The following PSMF1 variants were observed in gnomAD, a reference collection of about 807,000 sequenced individuals.
PSMF1 encodes the protein proteasome inhibitor PI31 subunit.
PSMF1 carries 30 observed loss-of-function variants against 29.3 expected under a neutral mutation model. The observed-to-expected ratio is 1.02, with a 90% CI of 0.77 to 1.39. The LOEUF (loss-of-function observed/expected upper bound fraction) is 1.39, where lower values mean the gene tolerates loss of function less well. Ranked by LOEUF, PSMF1 falls within the 40% of genes most tolerant of loss-of-function variation. The probability of loss-of-function intolerance (pLI) is 0.00; values close to 1 mark genes in which losing one functional copy is unlikely to be tolerated. For synonymous variants in PSMF1, 134 were observed against 139.7 expected, an observed-to-expected ratio of 0.96 and a Z score of 0.29; for missense variants, 344 against 357.5, an observed-to-expected ratio of 0.96 and a Z score of 0.31.
At chr20:1,141,167 G>A (rs769740126) in intron 4 of PSMF1, among the ~76,000 whole-genome samples, 1 of 152,326 alleles carries the variant, frequency 6.6e-6, no homozygotes, top group Non-Finnish European at 1.5e-5. Context: ...CAGGGTGGAG[G>A]TGGAAGATGG....
rs574195998 is a variant in PSMF1 at position 1,172,213 on chromosome 20, C to T, written c.*7133C>T. Among the ~76,000 whole-genome samples the T allele has an allele frequency of 1.8e-4, 28 of 152,320 alleles. No homozygotes were observed. Among genetic ancestry groups the T allele is most frequent in the African/African-American group, 6.5e-4 (27 of 41,556 alleles). The stretch of plus-strand genomic sequence containing the variant: ...CCACAAATGTGCTCTGACTGGCGTG[C>T]ATGTTATTAAATTTGATAAGATGCA... On this transcript the variant is annotated 3_prime_UTR_variant, in exon 7 of 7. Coordinates refer to ENST00000335877, the MANE Select transcript of PSMF1 (RefSeq NM_006814.5).
At chr20:1,135,066 C>G (rs745557954) in intron 3 of PSMF1, 55 bp from the exon 4 acceptor site, 2 of 1,588,562 alleles carry the variant, frequency 1.3e-6, no homozygotes, top group Non-Finnish European at 1.7e-6. Context: ...CAGAATACCA[C>G]TTCCAGGGTT....
intron 4 of PSMF1, among the ~76,000 whole-genome samples, chr20:1,150,279 A>T (rs77715652): frequency 6.6e-6 from 1 of 152,160 alleles, no homozygotes; most frequent in Non-Finnish European, 1.5e-5. Flanking sequence ...TTGACAATCT[A>T]TACCTCTTCA....
upstream of PSMF1, among the ~76,000 whole-genome samples, chr20:1,115,498 T>C (rs915056901): frequency 1.1e-4 from 17 of 152,368 alleles, no homozygotes; most frequent in African/African-American, 3.6e-4. Context: ...ATCAACTTCA[T>C]TGATAAAATT....
intron 4 of PSMF1, among the ~76,000 whole-genome samples, chr20:1,141,209 G>T (rs985264101): frequency 4.6e-5 from 7 of 152,272 alleles, no homozygotes; most frequent in African/African-American, 1.7e-4. Flanking sequence ...CTGCTAATGG[G>T]TACCAGGTTT....
At chr20:1,125,404 G>T in intron 1 of PSMF1, 94 bp from the exon 2 acceptor site, 1 of 1,308,874 alleles carries the variant, frequency 7.6e-7, no homozygotes. Context: ...CATCTGTGAA[G>T]TGAGGTGGGT....
At position 1,135,307 on chromosome 20, in the gene PSMF1, G is replaced by A. The variant is rs771427542; in HGVS notation, c.551+1G>A. 1.2e-6 allele frequency: 2 copies of A among 1,609,736 alleles called. No homozygotes were observed. Among genetic ancestry groups the A allele is most frequent in the East Asian group, 4.5e-5 (2 of 44,872 alleles). On this transcript the variant is annotated splice_donor_variant, in intron 4 of 6. Coordinates refer to ENST00000335877, the MANE Select transcript of PSMF1 (RefSeq NM_006814.5). LOFTEE classifies it high-confidence loss of function. ...CACACACCAGTCGGCAGCCTCCCTG[G>A]TGAGTACAGAGTGCCTAGCGGGAAG...
chr20:1,146,331 G>A (rs971229656), intron 4 of PSMF1, among the ~76,000 whole-genome samples: 6 of 151,810 alleles, frequency 4.0e-5, no homozygotes, highest in African/African-American at 1.5e-4. Flanking sequence ...CCAGGCTGAG[G>A]AAACAGTAGG....
chr20:1,117,406 T>G (rs998027715), upstream of PSMF1, among the ~76,000 whole-genome samples: 1 of 151,934 alleles, frequency 6.6e-6, no homozygotes, highest in Non-Finnish European at 1.5e-5. Context: ...GGTGCGATCT[T>G]GGCTCACTGC....
intron 4 of PSMF1, among the ~76,000 whole-genome samples, chr20:1,142,496 C>T (rs2086396213): frequency 6.6e-6 from 1 of 152,076 alleles, no homozygotes; most frequent in Non-Finnish European, 1.5e-5. Context: ...GTTCAATTCC[C>T]ACCTATGAGT....
intron 4 of PSMF1, among the ~76,000 whole-genome samples, chr20:1,162,878 CAATATTAATATTTTAA>C: frequency 6.6e-6 from 1 of 151,964 alleles, no homozygotes; most frequent in Non-Finnish European, 1.5e-5. Flanking sequence ...TGGAGGTTAC[CAATATTAATATTTTAA>C]AATATTAATA....
At chr20:1,127,689 A>G (rs990610048) in intron 3 of PSMF1, among the ~76,000 whole-genome samples, 181 bp downstream of exon 3, 1 of 152,192 alleles carries the variant, frequency 6.6e-6, no homozygotes, top group Non-Finnish European at 1.5e-5. Context: ...AGACTTCCAT[A>G]GGAAATGCCA....
intron 2 of PSMF1, among the ~76,000 whole-genome samples, chr20:1,126,323 CATGTAG>C (rs1400850060): frequency 6.6e-6 from 1 of 152,100 alleles, no homozygotes; most frequent in African/African-American, 2.4e-5. Context: ...TGGGTGTGAC[CATGTAG>C]AAGTATCCTG....
chr20:1,126,377 C>T (rs1267482869), intron 2 of PSMF1, among the ~76,000 whole-genome samples: 1 of 152,032 alleles, frequency 6.6e-6, no homozygotes, highest in East Asian at 1.9e-4. Context: ...TTTTTTCACT[C>T]GGTGTTTTGG....
chr20:1,124,820 G>T (rs1176892262), intron 1 of PSMF1, among the ~76,000 whole-genome samples: 1 of 152,196 alleles, frequency 6.6e-6, no homozygotes, highest in African/African-American at 2.4e-5. Context: ...AACATTTGAA[G>T]CTATATTTTT....
chr20:1,148,600 A>G (rs186229556), intron 4 of PSMF1, among the ~76,000 whole-genome samples: 57 of 152,310 alleles, frequency 3.7e-4, no homozygotes, highest in Non-Finnish European at 6.8e-4. Flanking sequence ...TTTTCTTTTT[A>G]AATTTCATAA....
intron 4 of PSMF1, among the ~76,000 whole-genome samples, chr20:1,136,122 G>A (rs1000673171): frequency 2.0e-5 from 3 of 152,322 alleles, no homozygotes; most frequent in East Asian, 3.9e-4. Context: ...AATGATTGGC[G>A]TATCTCTTTG....
At position 1,169,107 on chromosome 20, in the gene PSMF1, T is replaced by G. The variant is rs541224188; in HGVS notation, c.*4027T>G. Among the ~76,000 whole-genome samples the G allele has an allele frequency of 4.6e-5, 7 of 152,286 alleles. No homozygotes were observed. In the South Asian group the frequency reaches 6.2e-4, roughly 14 times the overall value. ...GCTGCTCTCTGGACCGTAACCTTTT[T>G]GGTTACAAAAGGTAAATTTCTGTTT... On this transcript the variant is annotated 3_prime_UTR_variant, in exon 7 of 7. Coordinates refer to ENST00000335877, the MANE Select transcript of PSMF1 (RefSeq NM_006814.5).
Position 1,151,912 on chromosome 20 carries a change from T to C in PSMF1, c.552-11218T>C, listed in dbSNP as rs1274429030. On this transcript the variant is annotated intron_variant, in intron 4 of 6. Transcript: ENST00000335877. ...AAATCATCTTGTAGAAGTGGGGGAG[T>C]TTTTGTTTCACTCATGTCAGCATGT... Among the ~76,000 whole-genome samples, 3 of 151,528 alleles carry C rather than the reference T, an allele frequency of 2.0e-5. No homozygotes were observed. In the East Asian group the frequency reaches 5.8e-4, roughly 29 times the overall value.
Sources: gnomAD v4.1 joint callset for allele counts (sites outside exome capture counted in the v4.1 genomes callset) on GRCh38, gnomAD v4.1.1 for gene constraint, MANE v1.5 for transcripts, NCBI Gene and HGNC (gene_info 2026-07-23, HGNC 2026-07-21) for gene names.